Variants in PIEZO2 observed in about 807,000 individuals in gnomAD.
PIEZO2 encodes the protein piezo-type mechanosensitive ion channel component 2.
PIEZO2 carries 172 observed loss-of-function variants against 337.3 expected under a neutral mutation model. The ratio of observed to expected loss-of-function variants is 0.51; its 90% CI spans 0.45 to 0.58. PIEZO2 has a LOEUF of 0.58. PIEZO2 is among the 20% of genes least tolerant of loss of function. PIEZO2 has a pLI of 0.00. For synonymous variants in PIEZO2, 1,251 were observed against 1,228.5 expected (o/e 1.02, Z -0.38); for missense variants, 3,028 against 3,391.3 (o/e 0.89, Z 2.66).
intron 4 of PIEZO2, among the ~76,000 whole-genome samples, chr18:10,882,456 A>G (rs192491439): frequency 2.0e-4 from 31 of 152,336 alleles, no homozygotes; most frequent in African/African-American, 7.5e-4. Context: ...GGAATTGACA[A>G]ATTGTATTTA....
chr18:10,803,674 T>C (rs1373974714), intron 9 of PIEZO2, among the ~76,000 whole-genome samples: 1 of 152,230 alleles, frequency 6.6e-6, no homozygotes, highest in Non-Finnish European at 1.5e-5. Flanking sequence ...AAATATAAAA[T>C]GATGTTCTTG....
At chr18:11,141,909 T>C (rs938096499) in intron 1 of PIEZO2, among the ~76,000 whole-genome samples, 1 of 152,168 alleles carries the variant, frequency 6.6e-6, no homozygotes, top group African/African-American at 2.4e-5. Context: ...ACAGAAAGCC[T>C]AAGTAGTTTC....
intron 9 of PIEZO2, 74 bp from the exon 10 acceptor site, chr18:10,801,502 T>A (rs1477489941): frequency 7.4e-7 from 1 of 1,342,850 alleles, no homozygotes; most frequent in Non-Finnish European, 1.0e-6. Flanking sequence ...ATCTATAAAG[T>A]TTTACTGTGC....
chr18:10,802,691 C>T (rs535114258), intron 9 of PIEZO2, among the ~76,000 whole-genome samples: 1 of 152,032 alleles, frequency 6.6e-6, no homozygotes, highest in Non-Finnish European at 1.5e-5. Flanking sequence ...ATTTTAGTGC[C>T]GGGCGCAGTG....
chr18:11,032,584 T>G lies in PIEZO2; in HGVS notation c.160+33543A>C, dbSNP rs1252294697. Among the ~76,000 whole-genome samples the G allele has an allele frequency of 6.6e-6, 1 of 152,212 alleles. No homozygotes were observed. Among genetic ancestry groups the G allele is most frequent in the Non-Finnish European group, 1.5e-5 (1 of 68,040 alleles). ...CAGGGGCAAACACAACAAATACCTC[T>G]GGAGATTTTGAAATACAAAGGATAG... On this transcript the variant is annotated intron_variant, in intron 2 of 55. Coordinates refer to ENST00000674853, the MANE Select transcript of PIEZO2 (RefSeq NM_001378183.1). The surrounding 1 kb of genome is among the most constrained non-coding windows in gnomAD (Gnocchi z 4.9).
rs529440442 is a variant in PIEZO2, at chr18:10,781,626, T to A, written c.2493-1260A>T. ...AATAATATTCCTGAGATTGCCTCCT[T>A]AGGAATAATAATTTCTTCCTATATT... On this transcript the variant is annotated intron_variant, in intron 17 of 55. Coordinates refer to ENST00000674853, the MANE Select transcript of PIEZO2 (RefSeq NM_001378183.1). The surrounding 1 kb of genome is among the most constrained non-coding windows in gnomAD (Gnocchi z 4.1). Among the ~76,000 whole-genome samples, 25 of 152,298 alleles carry A rather than the reference T, an allele frequency of 1.6e-4. No individual in the cohort carries two copies. In the East Asian group the frequency reaches 4.6e-3, roughly 28 times the overall value.
chr18:10,883,913 C>A (rs1423014111), intron 4 of PIEZO2, among the ~76,000 whole-genome samples: 1 of 151,654 alleles, frequency 6.6e-6, no homozygotes, highest in Non-Finnish European at 1.5e-5. Flanking sequence ...CAGGTTCATG[C>A]TATTCTCCTG....
intron 32 of PIEZO2, among the ~76,000 whole-genome samples, chr18:10,742,019 G>A (rs914265611): frequency 1.3e-5 from 2 of 152,126 alleles, no homozygotes; most frequent in African/African-American, 4.8e-5. Flanking sequence ...GCCGGGCGTG[G>A]TGGCGGGCAC....
chr18:10,812,488 T>A (rs763456033), intron 7 of PIEZO2, among the ~76,000 whole-genome samples: 1 of 152,070 alleles, frequency 6.6e-6, no homozygotes, highest in Non-Finnish European at 1.5e-5. Flanking sequence ...TTTATAGATA[T>A]AACAAACCTG....
chr18:10,914,132 T>C lies in PIEZO2; in HGVS notation c.287-2904A>G, dbSNP rs193008383. 2.4e-3 allele frequency among the ~76,000 whole-genome samples: 359 copies of C among 152,290 alleles called. 2 individuals are homozygous for C. The highest frequency in any genetic ancestry group is 8.0e-3 in the African/African-American group (334 of 41,572). ...TTAAAGCCATTAACCATGCTTTACA[T>C]AGTAAGGTAATATTATTCACTTTCG... On this transcript the variant is annotated intron_variant, in intron 3 of 55. Coordinates refer to ENST00000674853, the MANE Select transcript of PIEZO2 (RefSeq NM_001378183.1).
At chr18:10,997,716 C>T (rs1488013920) in intron 2 of PIEZO2, among the ~76,000 whole-genome samples, 1 of 151,858 alleles carries the variant, frequency 6.6e-6, no homozygotes, top group Non-Finnish European at 1.5e-5. Flanking sequence ...AGAAATTACC[C>T]CATCTGAAGA....
intron 1 of PIEZO2, among the ~76,000 whole-genome samples, chr18:11,090,275 AAGAG>A (rs918913555): frequency 6.6e-5 from 10 of 152,112 alleles, no homozygotes; most frequent in Middle Eastern, 3.4e-3. Context: ...AAAGAAATAA[AAGAG>A]AGAGAGAGAA....
chr18:10,922,187 C>T (rs575981997), intron 3 of PIEZO2, among the ~76,000 whole-genome samples: 15 of 152,200 alleles, frequency 9.9e-5, no homozygotes, highest in South Asian at 2.1e-4. Flanking sequence ...GCTGGTTTTG[C>T]GGCTTGTGGG....
chr18:10,812,088 T>C (rs543326472), intron 7 of PIEZO2, among the ~76,000 whole-genome samples: 24 of 152,170 alleles, frequency 1.6e-4, no homozygotes, highest in South Asian at 2.1e-4. Flanking sequence ...CCGCCTTGGC[T>C]TCCCAAAGTG....
In PIEZO2 at chr18:11,104,821, T is replaced by A. The variant is rs1246602867; in HGVS notation, c.65-38599A>T. Among the ~76,000 whole-genome samples, 2 of 152,162 alleles carry A rather than the reference T, an allele frequency of 1.3e-5. No individual in the cohort carries two copies. The highest frequency in any genetic ancestry group is 2.9e-5 in the Non-Finnish European group (2 of 68,034). On this transcript the variant is annotated intron_variant, in intron 1 of 55. Transcript: ENST00000674853. The surrounding 1 kb of genome is among the most constrained non-coding windows in gnomAD (Gnocchi z 4.6). Reference sequence around the variant, plus strand: ...TTCTCTTGGGGACCACTCTCCTCCATCATGCTTGATATGGTCCAGGAGTGG... The same window carrying A: ...TTCTCTTGGGGACCACTCTCCTCCAACATGCTTGATATGGTCCAGGAGTGG...
At position 10,854,965 on chromosome 18, in the gene PIEZO2, C is replaced by T. The variant is rs72973126; in HGVS notation, c.917+388G>A. On this transcript the variant is annotated intron_variant, in intron 7 of 55. Transcript: ENST00000674853. The surrounding 1 kb of genome is among the most constrained non-coding windows in gnomAD (Gnocchi z 4.6). Reference sequence around the variant, plus strand: ...TTTTACAATTAGTTAATGTTTCTGACGCTTAATTTGTTCTCGTATATTAGG... The same window carrying T: ...TTTTACAATTAGTTAATGTTTCTGATGCTTAATTTGTTCTCGTATATTAGG... Among the ~76,000 whole-genome samples, 10,377 of 152,156 alleles carry T rather than the reference C, an allele frequency of 0.068. 626 individuals carry two copies. The highest frequency in any genetic ancestry group is 0.16 in the African/African-American group (6,585 of 41,494).
chr18:10,890,266 T>A (rs989503782), intron 4 of PIEZO2, among the ~76,000 whole-genome samples: 2 of 152,208 alleles, frequency 1.3e-5, no homozygotes, highest in Non-Finnish European at 2.9e-5. Context: ...GGATTATGAA[T>A]GTAATCCACA....
At chr18:10,729,623 C>CAAAAAA (rs374976832) in intron 36 of PIEZO2, among the ~76,000 whole-genome samples, 2 of 124,724 alleles carry the variant, frequency 1.6e-5, no homozygotes, top group Non-Finnish European at 1.6e-5. Context: ...GACTCTGTCT[C>CAAAAAA]AAAAAAAAAA....
At chr18:10,822,616 AGTGGAATCAGCTCTCATAG>A in intron 7 of PIEZO2, among the ~76,000 whole-genome samples, 1 of 152,160 alleles carries the variant, frequency 6.6e-6, no homozygotes, top group East Asian at 1.9e-4. Context: ...CAATCAGCCT[AGTGGAATCAGCTCTCATAG>A]GTCGGGAAGG....
Sources: gnomAD v4.1 joint callset for allele counts (sites outside exome capture counted in the v4.1 genomes callset) on GRCh38, gnomAD v4.1.1 for gene constraint, Gnocchi (gnomAD v3.1) non-coding constraint, MANE v1.5 for transcripts, NCBI Gene and HGNC (gene_info 2026-07-23, HGNC 2026-07-21) for gene names.